Variants in TENM3 observed in about 807,000 individuals in gnomAD.
The protein encoded by TENM3 is teneurin-3.
TENM3 carries 63 observed loss-of-function variants against 255.1 expected under a neutral mutation model. The observed-to-expected ratio is 0.25, with a 90% confidence interval of 0.20 to 0.30. The LOEUF (loss-of-function observed/expected upper bound fraction) is 0.30. TENM3 is among the 10% of genes least tolerant of loss of function. The pLI is 1.00. For synonymous variants in TENM3, 1,306 were observed against 1,322.3 expected, an observed-to-expected ratio of 0.99 and a Z score of 0.27; for missense variants, 2,929 against 3,461.1, an observed-to-expected ratio of 0.85 and a Z score of 3.86.
the TENM3 span, among the ~76,000 whole-genome samples, chr4:182,124,886 C>T: frequency 6.6e-6 from 1 of 152,212 alleles, no homozygotes; most frequent in Admixed American, 6.5e-5. Context: ...TCTCACTGTC[C>T]AGCTGGGACG....
At chr4:181,985,917 C>G in the TENM3 span, among the ~76,000 whole-genome samples, 21 of 151,980 alleles carry the variant, frequency 1.4e-4, no homozygotes, top group African/African-American at 4.8e-4. Context: ...TTACCTGCAC[C>G]CTTTTTCCCC....
chr4:182,551,522 G>T (rs1287166019), intron 3 of TENM3, among the ~76,000 whole-genome samples: 2 of 151,976 alleles, frequency 1.3e-5, no homozygotes, highest in African/African-American at 2.4e-5. Flanking sequence ...ACTGAATAAA[G>T]TGCAATGAAT....
At chr4:182,686,227 A>G (rs1756562525) in intron 11 of TENM3, among the ~76,000 whole-genome samples, 2 of 152,102 alleles carry the variant, frequency 1.3e-5, no homozygotes, top group African/African-American at 4.8e-5. Flanking sequence ...TATACTAAGT[A>G]TAGAAAAAAT....
chr4:181,934,158 A>G, the TENM3 span, among the ~76,000 whole-genome samples: 1 of 151,912 alleles, frequency 6.6e-6, no homozygotes, highest in South Asian at 2.1e-4. Flanking sequence ...AGTTTAATGG[A>G]CCTGATAGAG....
chr4:181,698,266 A>G, the TENM3 span, among the ~76,000 whole-genome samples: 4 of 152,052 alleles, frequency 2.6e-5, no homozygotes, highest in South Asian at 2.1e-4. Flanking sequence ...GTGAATAAGG[A>G]CACACAGGCT....
chr4:182,556,048 C>G (rs1310706601), intron 3 of TENM3, among the ~76,000 whole-genome samples: 2 of 152,128 alleles, frequency 1.3e-5, no homozygotes, highest in Non-Finnish European at 1.5e-5. Flanking sequence ...CAACTTGAGT[C>G]TCATTGTCCC....
the TENM3 span, among the ~76,000 whole-genome samples, chr4:181,847,891 G>A: frequency 6.6e-6 from 1 of 152,034 alleles, no homozygotes; most frequent in Non-Finnish European, 1.5e-5. Flanking sequence ...TTGTATTCCA[G>A]TATATGTGTA....
chr4:181,905,251 C>T, the TENM3 span, among the ~76,000 whole-genome samples: 1 of 152,142 alleles, frequency 6.6e-6, no homozygotes, highest in Non-Finnish European at 1.5e-5. Context: ...TTTCTTATCT[C>T]CTTCACTTAC....
intron 3 of TENM3, among the ~76,000 whole-genome samples, chr4:182,356,853 G>T (rs1002600649): frequency 1.3e-4 from 19 of 148,164 alleles, no homozygotes; most frequent in Non-Finnish European, 2.4e-4. Context: ...ATCTCCCAAT[G>T]CTCTCCCTCC....
intron 1 of TENM3, among the ~76,000 whole-genome samples, chr4:182,278,726 G>T (rs1431739828): frequency 2.0e-5 from 3 of 151,790 alleles, no homozygotes; most frequent in Non-Finnish European, 4.4e-5. Context: ...TTCGTGATTT[G>T]ATTAATGAAT....
chr4:181,556,283 G>A, the TENM3 span, among the ~76,000 whole-genome samples: 16,088 of 151,970 alleles, frequency 0.11, 914 homozygotes, highest in Middle Eastern at 0.16. Flanking sequence ...TATATTGTAA[G>A]AGGCTGATGT....
chr4:182,505,471 A>G (rs1736717572), intron 3 of TENM3, among the ~76,000 whole-genome samples: 1 of 151,502 alleles, frequency 6.6e-6, no homozygotes, highest in South Asian at 2.1e-4. Context: ...ATTTTATTTT[A>G]TTTTACTATT....
chr4:181,832,444 G>A, the TENM3 span, among the ~76,000 whole-genome samples: 1 of 152,142 alleles, frequency 6.6e-6, no homozygotes, highest in South Asian at 2.1e-4. Context: ...ATGGCAACAC[G>A]GGAGGAAGGA....
chr4:182,406,867 C>G (rs1235496481), intron 3 of TENM3, among the ~76,000 whole-genome samples: 1 of 152,200 alleles, frequency 6.6e-6, no homozygotes, highest in Non-Finnish European at 1.5e-5. Flanking sequence ...ATTATGGTTT[C>G]AGACGTTTCA....
intron 13 of TENM3, among the ~76,000 whole-genome samples, chr4:182,726,669 A>G (rs765168912): frequency 1.3e-5 from 2 of 152,192 alleles, no homozygotes; most frequent in Non-Finnish European, 2.9e-5. Flanking sequence ...GAAAAGTTTC[A>G]TCTGTTGCCC....
chr4:182,076,438 G>C, the TENM3 span, among the ~76,000 whole-genome samples: 2 of 151,900 alleles, frequency 1.3e-5, no homozygotes, highest in African/African-American at 2.4e-5. Context: ...ACTTGACCTC[G>C]TGATCCACCT....
the TENM3 span, among the ~76,000 whole-genome samples, chr4:181,680,711 C>T: frequency 6.6e-6 from 1 of 152,036 alleles, no homozygotes; most frequent in African/African-American, 2.4e-5. Flanking sequence ...CCATGCAGAG[C>T]CAAGGTGCTC....
intron 12 of TENM3, among the ~76,000 whole-genome samples, chr4:182,699,944 C>T (rs1309118243): frequency 1.3e-5 from 2 of 151,958 alleles, no homozygotes; most frequent in East Asian, 3.8e-4. Context: ...GAAAATGCTC[C>T]TTCTGCTTGC....
chr4:181,761,001 C>CACACAT, the TENM3 span, among the ~76,000 whole-genome samples: 4 of 150,258 alleles, frequency 2.7e-5, no homozygotes, highest in African/African-American at 9.7e-5. Context: ...CACACACACA[C>CACACAT]ACACACACAC....
Sources: gnomAD v4.1 joint callset for allele counts (sites outside exome capture counted in the v4.1 genomes callset) on GRCh38, gnomAD v4.1.1 for gene constraint, MANE v1.5 for transcripts, NCBI Gene and HGNC (gene_info 2026-07-23, HGNC 2026-07-21) for gene names.